The following MTCL2 variants were observed in gnomAD, a reference collection of about 807,000 sequenced individuals.
The protein encoded by MTCL2 is microtubule cross-linking factor 2.
chr20:36,812,566 C>T, the MTCL2 span: 1 of 1,150,886 alleles, frequency 8.7e-7, no homozygotes, highest in South Asian at 2.0e-5. Context: ...GCCTTGGCTG[C>T]CAAGAAGCCT....
the MTCL2 span, among the ~76,000 whole-genome samples, chr20:36,817,200 G>A: frequency 1.3e-5 from 2 of 148,286 alleles, no homozygotes; most frequent in African/African-American, 5.0e-5. Flanking sequence ...CTGGGAGGTA[G>A]AGGTTGCAGT....
At chr20:36,796,798 G>A in the MTCL2 span, 2 of 1,350,330 alleles carry the variant, frequency 1.5e-6, no homozygotes, top group Admixed American at 3.4e-5. Context: ...AGGTAGAGTG[G>A]GTGCAGGGCG....
the MTCL2 span, among the ~76,000 whole-genome samples, chr20:36,839,771 C>A: frequency 1.3e-5 from 2 of 152,164 alleles, no homozygotes; most frequent in African/African-American, 4.8e-5. The surrounding 1 kb of genome is among the most constrained non-coding windows in gnomAD (Gnocchi z 5.1). Flanking sequence ...AAAGGTTTCT[C>A]CCCTGGAGCC....
At chr20:36,849,398 G>A in the MTCL2 span, among the ~76,000 whole-genome samples, 1 of 151,946 alleles carries the variant, frequency 6.6e-6, no homozygotes, top group Admixed American at 6.6e-5. Context: ...TGAAATACAG[G>A]CGGGAGAAGC....
At chr20:36,842,964 G>A in the MTCL2 span, among the ~76,000 whole-genome samples, 5 of 152,206 alleles carry the variant, frequency 3.3e-5, no homozygotes, top group Admixed American at 1.3e-4. Context: ...CTCCCTACCC[G>A]TCTTTCCCCA....
At chr20:36,836,495 C>T in the MTCL2 span, among the ~76,000 whole-genome samples, 2 of 151,812 alleles carry the variant, frequency 1.3e-5, no homozygotes, top group Non-Finnish European at 2.9e-5. Flanking sequence ...CAGGCGTGTA[C>T]CACCACACCC....
At chr20:36,853,671 A>C in the MTCL2 span, among the ~76,000 whole-genome samples, 1 of 151,578 alleles carries the variant, frequency 6.6e-6, no homozygotes, top group Non-Finnish European at 1.5e-5. Flanking sequence ...AGTTCTGCAC[A>C]AGAGACACTA....
chr20:36,859,537 T>C, the MTCL2 span: 3 of 1,172,372 alleles, frequency 2.6e-6, no homozygotes, highest in Non-Finnish European at 3.2e-6. Flanking sequence ...TCATCCCGCC[T>C]CTCTCTGAAT....
the MTCL2 span, chr20:36,839,259 C>G: frequency 6.2e-7 from 1 of 1,608,776 alleles, no homozygotes; most frequent in Non-Finnish European, 8.5e-7. This position sits in a 1 kb window ranked among gnomAD's most constrained non-coding sequence, Gnocchi z 5.1. Context: ...CGCCGTCCAC[C>G]TGGCCGGTCT....
the MTCL2 span, among the ~76,000 whole-genome samples, chr20:36,809,765 G>T: frequency 3.3e-5 from 5 of 151,966 alleles, no homozygotes; most frequent in African/African-American, 1.2e-4. Context: ...TAGTAGAGGC[G>T]GGGTTTCCAT....
chr20:36,839,467 C>A, the MTCL2 span: 1 of 1,606,238 alleles, frequency 6.2e-7, no homozygotes, highest in South Asian at 1.1e-5. This position sits in a 1 kb window ranked among gnomAD's most constrained non-coding sequence, Gnocchi z 5.1. Context: ...AGAGTCAGGT[C>A]ACTGGGCCCA....
chr20:36,811,950 A>G, the MTCL2 span, among the ~76,000 whole-genome samples: 8 of 152,212 alleles, frequency 5.3e-5, no homozygotes, highest in Non-Finnish European at 2.9e-5. Context: ...ATGAAGAGCA[A>G]GGAGAAGCTC....
the MTCL2 span, among the ~76,000 whole-genome samples, chr20:36,855,056 CCT>C: frequency 1.3e-5 from 2 of 152,140 alleles, no homozygotes; most frequent in Non-Finnish European, 2.9e-5. Context: ...AAGCACAGCC[CCT>C]GTCATCAAGC....
the MTCL2 span, chr20:36,794,426 G>A: frequency 1.5e-5 from 24 of 1,613,848 alleles, no homozygotes; most frequent in Non-Finnish European, 1.9e-5. This position sits in a 1 kb window ranked among gnomAD's most constrained non-coding sequence, Gnocchi z 5.4. Flanking sequence ...GCAGTCCCTC[G>A]ACGAGAGCCC....
At chr20:36,792,853 TAGATAGACAGAC>T in the MTCL2 span, among the ~76,000 whole-genome samples, 1,522 of 140,994 alleles carry the variant, frequency 0.011, 35 homozygotes, top group African/African-American at 0.037. Context: ...GATAGATAGA[TAGATAGACAGAC>T]AGACAGACAG....
At chr20:36,841,874 G>GGTGTGTGTGTGTGTGTGTGTGTGT in the MTCL2 span, among the ~76,000 whole-genome samples, 2 of 110,768 alleles carry the variant, frequency 1.8e-5, no homozygotes, top group African/African-American at 6.5e-5. Flanking sequence ...TGGGGGGTGG[G>GGTGTGTGTGTGTGTGTGTGTGTGT]GTGTGTGTGT....
At chr20:36,855,090 C>T in the MTCL2 span, among the ~76,000 whole-genome samples, 2 of 151,798 alleles carry the variant, frequency 1.3e-5, no homozygotes, top group Non-Finnish European at 2.9e-5. Context: ...CCTGGGGTCA[C>T]GGGGGTCACA....
the MTCL2 span, among the ~76,000 whole-genome samples, chr20:36,806,385 C>T: frequency 6.6e-6 from 1 of 152,212 alleles, no homozygotes; most frequent in Non-Finnish European, 1.5e-5. Context: ...ATCCTCCTGC[C>T]TCAGCCTCCC....
chr20:36,858,461 AAAACACACAC>A, the MTCL2 span, among the ~76,000 whole-genome samples: 117 of 42,214 alleles, frequency 2.8e-3, 17 homozygotes, highest in Admixed American at 8.5e-3. Flanking sequence ...CCAAGGAGGG[AAAACACACAC>A]ACACACACAC....
Sources: gnomAD v4.1 joint callset for allele counts (sites outside exome capture counted in the v4.1 genomes callset) on GRCh38, gnomAD v4.1.1 for gene constraint, Gnocchi (gnomAD v3.1) non-coding constraint, MANE v1.5 for transcripts, NCBI Gene and HGNC (gene_info 2026-07-23, HGNC 2026-07-21) for gene names.